Variants in IREB2 observed in about 807,000 individuals in gnomAD.
IREB2 encodes the protein iron-responsive element-binding protein 2.
A neutral mutation model predicts 118.8 loss-of-function variants in IREB2; 39 were observed. That is an observed-to-expected ratio of 0.33 (90% CI 0.25 to 0.43). IREB2 has a LOEUF of 0.43. Among genes scored for constraint, IREB2 ranks in the 20% least tolerant of loss-of-function variants. The probability of loss-of-function intolerance (pLI) is 1.00; values close to 1 mark genes in which losing one functional copy is unlikely to be tolerated. For synonymous variants in IREB2, 372 were observed against 392.2 expected, an observed-to-expected ratio of 0.95 and a Z score of 0.61; for missense variants, 900 against 1,147.3, an observed-to-expected ratio of 0.78 and a Z score of 3.11.
upstream of IREB2, among the ~76,000 whole-genome samples, chr15:78,437,957 A>G (rs770119221): frequency 2.6e-5 from 4 of 152,222 alleles, no homozygotes; most frequent in Non-Finnish European, 5.9e-5. Context: ...TCATGACCCC[A>G]ATAGAAAACT....
chr15:78,491,611 C>T (rs2051752308), intron 18 of IREB2, among the ~76,000 whole-genome samples: 1 of 152,126 alleles, frequency 6.6e-6, no homozygotes, highest in South Asian at 2.1e-4. Flanking sequence ...AATTCTCCTA[C>T]CTCAGCCTCC....
At chr15:78,438,464 C>T in intron 1 of IREB2, 108 bp downstream of exon 1, 4 of 1,276,896 alleles carry the variant, frequency 3.1e-6, no homozygotes, top group East Asian at 2.5e-5. Flanking sequence ...CGCCCAGGCC[C>T]TCGGGGCTCG....
At chr15:78,440,751 T>C (rs970855170) in intron 2 of IREB2, among the ~76,000 whole-genome samples, 3 of 152,170 alleles carry the variant, frequency 2.0e-5, no homozygotes, top group Admixed American at 6.5e-5. Flanking sequence ...ACCCATTGAT[T>C]TGAATTTTTC....
chr15:78,468,046 G>A lies in IREB2; in HGVS notation c.629+1557G>A, dbSNP rs908949242. On this transcript the variant is annotated intron_variant, in intron 5 of 21. Coordinates refer to ENST00000258886, the MANE Select transcript of IREB2 (RefSeq NM_004136.4). ...GGCTGATTTTTTCTGTATACAGGGG[G>A]TGTCACTGTGTTGCCCAGACTGGTC... 2.0e-5 allele frequency among the ~76,000 whole-genome samples: 3 copies of A among 152,064 alleles called. No individual in the cohort carries two copies. In the South Asian group the frequency reaches 6.2e-4, roughly 31 times the overall value.
chr15:78,474,451 A>C (rs1005977491), intron 8 of IREB2: 1 of 152,254 alleles, frequency 6.6e-6, no homozygotes, highest in Non-Finnish European at 1.5e-5. Flanking sequence ...TTATTCCTAG[A>C]GGAAAAGGAG....
chr15:78,490,469 G>C lies in IREB2; in HGVS notation c.2124G>C (p.Leu708Phe), dbSNP rs1341215797. The change falls in exon 17 of 22, where the codon TTG becomes TTC. Residue 708 changes from leucine (L) to phenylalanine (F), a missense_variant. By Grantham distance (22) the Leu-to-Phe change is conservative. Transcript: ENST00000258886. ...WNSLEAPDSVLFPWDLKSTYI... is the reference protein window; with the variant it reads ...WNSLEAPDSVFFPWDLKSTYI... ...CCTTAGAAGCACCGGATTCAGTTTT[G>C]TTTCCATGGGACTTAAAGTCTACTT... 6 of 1,609,336 alleles carry C rather than the reference G, an allele frequency of 3.7e-6. No homozygotes were observed. The African/African-American group carries it at 8.1e-5, about 22-fold the overall frequency.
Position 78,490,563 on chromosome 15 carries a change from G to C in IREB2, c.2181+37G>C, listed in dbSNP as rs781420934. Reference sequence around the variant, plus strand: ...TTTACTATTTGATCTTTTAAAGATTGTTATAAACTAAGAAGTCTTGTAAAG... The same window carrying C: ...TTTACTATTTGATCTTTTAAAGATTCTTATAAACTAAGAAGTCTTGTAAAG... On this transcript the variant is annotated intron_variant, in intron 17 of 21. Coordinates refer to ENST00000258886, the MANE Select transcript of IREB2 (RefSeq NM_004136.4). The C allele has an allele frequency of 3.7e-6, 6 of 1,606,058 alleles. No homozygotes were observed. In the Admixed American group the frequency reaches 8.6e-5, roughly 23 times the overall value.
chr15:78,496,352 C>G (rs2051837516), intron 20 of IREB2, among the ~76,000 whole-genome samples: 1 of 152,022 alleles, frequency 6.6e-6, no homozygotes, highest in South Asian at 2.1e-4. Context: ...CCTGCAACCT[C>G]CACTTACAAC....
At chr15:78,448,470 GA>G (rs200307305) in intron 2 of IREB2, among the ~76,000 whole-genome samples, 64 of 151,586 alleles carry the variant, frequency 4.2e-4, no homozygotes, top group African/African-American at 1.4e-3. Flanking sequence ...TTAAAAGAGA[GA>G]AAAAAAAGGT....
intron 2 of IREB2, among the ~76,000 whole-genome samples, chr15:78,449,209 T>TA (rs1416102565): frequency 2.0e-5 from 3 of 152,112 alleles, no homozygotes; most frequent in Non-Finnish European, 4.4e-5. Context: ...ATGTCAGTAA[T>TA]AAAAAAAATT....
intron 2 of IREB2, among the ~76,000 whole-genome samples, chr15:78,459,809 TCTC>T (rs1163786151): frequency 1.4e-5 from 2 of 147,676 alleles, no homozygotes; most frequent in Non-Finnish European, 3.0e-5. Context: ...ATAGTCTTCC[TCTC>T]CTCTTTTTTC....
intron 20 of IREB2, 111 bp from the exon 21 acceptor site, chr15:78,497,015 T>G: frequency 1.4e-6 from 1 of 712,298 alleles, no homozygotes; most frequent in Non-Finnish European, 2.4e-6. Context: ...GTATGAGATA[T>G]TAGACTAAAA....
intron 2 of IREB2, among the ~76,000 whole-genome samples, chr15:78,442,345 A>G (rs1276191658): frequency 5.3e-5 from 8 of 152,248 alleles, no homozygotes; most frequent in Admixed American, 3.9e-4. Context: ...TTAACCTTAG[A>G]ACAAAAAATC....
At position 78,438,373 on chromosome 15, in the gene IREB2, C is replaced by T; in HGVS notation, c.19+17C>T. On this transcript the variant is annotated intron_variant, in intron 1 of 21. Coordinates refer to ENST00000258886, the MANE Select transcript of IREB2 (RefSeq NM_004136.4). ...CAAAAGCAGGTCAGTTTCGGGCCTC[C>T]GAGCTGGGTCTGGCAGTTGGAAACG... is the stretch of plus-strand genomic sequence containing the variant. 1.3e-6 allele frequency: 2 copies of T among 1,595,414 alleles called. No homozygotes were observed. Among genetic ancestry groups the T allele is most frequent in the East Asian group, 2.3e-5 (1 of 44,188 alleles).
rs770798687 is a variant in IREB2 at position 78,466,503 on chromosome 15, T to C, written c.629+14T>C. The C allele has an allele frequency of 2.0e-6, 3 of 1,521,682 alleles. No homozygotes were observed. Among genetic ancestry groups the C allele is most frequent in the Non-Finnish European group, 1.8e-6 (2 of 1,097,328 alleles). 94.3% of individuals were successfully genotyped at this position (1,521,682 alleles called of 1,614,324 possible). On this transcript the variant is annotated intron_variant, in intron 5 of 21. Transcript: ENST00000258886. ...ACCAGTGCCTGAGTATGAGATTGTT[T>C]TTCTTAAAGTTTATTAATACCAGGT...
intron 4 of IREB2, 147 bp downstream of exon 4, chr15:78,465,535 G>A (rs1436857627): frequency 7.1e-6 from 5 of 704,110 alleles, no homozygotes; most frequent in African/African-American, 5.4e-5. Context: ...TAAAACTGGT[G>A]AAAAGTTTAT....
rs909761539 is a variant in IREB2, at chr15:78,460,241, C to T, written c.107-2681C>T. 3.9e-5 allele frequency among the ~76,000 whole-genome samples: 6 copies of T among 152,132 alleles called. No individual in the cohort carries two copies. The East Asian group carries it at 5.8e-4, about 15-fold the overall frequency. On this transcript the variant is annotated intron_variant, in intron 2 of 21. Coordinates refer to ENST00000258886, the MANE Select transcript of IREB2 (RefSeq NM_004136.4). ...ACATTGGTGATCTTTCAGATTACAT[C>T]GTTTCTTCCACATTTACTAGCTGTA... is the stretch of plus-strand genomic sequence containing the variant.
intron 4 of IREB2, 114 bp from the exon 5 acceptor site, chr15:78,466,150 ATTAGCCT>A (rs2051277758): frequency 3.4e-6 from 2 of 594,526 alleles, no homozygotes; most frequent in African/African-American, 1.9e-5. Context: ...TAAATGATAC[ATTAGCCT>A]TTAAACATCA....
At chr15:78,468,244 A>C (rs137857919) in intron 5 of IREB2, among the ~76,000 whole-genome samples, 1 of 152,246 alleles carries the variant, frequency 6.6e-6, no homozygotes, top group Non-Finnish European at 1.5e-5. Flanking sequence ...CATTGTTAGT[A>C]AACTGTCTTT....
Sources: allele counts gnomAD v4.1 joint callset (sites outside exome capture counted in the v4.1 genomes callset), GRCh38; gene constraint gnomAD v4.1.1; transcripts MANE v1.5; gene names NCBI Gene and HGNC (gene_info 2026-07-23, HGNC 2026-07-21).